Variants in PLEKHM3 observed in about 807,000 individuals in gnomAD.
The protein encoded by PLEKHM3 is pleckstrin homology domain-containing family M member 3.
In PLEKHM3, 45 loss-of-function variants were observed where a neutral mutation model predicts 81.8. The ratio of observed to expected loss-of-function variants is 0.55; its 90% CI spans 0.43 to 0.71. PLEKHM3 has a LOEUF of 0.71. Ranked by LOEUF, PLEKHM3 falls within the 30% of genes least tolerant of loss-of-function variation. PLEKHM3 has a pLI of 0.00. For synonymous variants in PLEKHM3, 352 were observed against 356.4 expected (o/e 0.99, Z 0.14); for missense variants, 788 against 924.3 (o/e 0.85, Z 1.91).
chr2:207,870,216 C>T lies in PLEKHM3; in HGVS notation c.1951-8954G>A, dbSNP rs368611804. 5.3e-5 allele frequency among the ~76,000 whole-genome samples: 8 copies of T among 152,036 alleles called. No homozygotes were observed. The East Asian group carries it at 1.2e-3, about 22-fold the overall frequency. The stretch of plus-strand genomic sequence containing the variant: ...CACAAAATTCAAAATTTATGGGGGG[C>T]GGAGAAGACAGAGAACTAGTAACCT... On this transcript the variant is annotated intron_variant, in intron 6 of 7. Transcript: ENST00000427836.
intron 7 of PLEKHM3, among the ~76,000 whole-genome samples, chr2:207,842,577 A>G (rs1251281271): frequency 6.6e-6 from 1 of 150,924 alleles, no homozygotes; most frequent in Non-Finnish European, 1.5e-5. Context: ...GATATATATT[A>G]ACATTGAAGG....
chr2:207,974,336 T>G (rs1691228826), intron 3 of PLEKHM3, among the ~76,000 whole-genome samples: 1 of 152,226 alleles, frequency 6.6e-6, no homozygotes. Flanking sequence ...ACATTTCTCC[T>G]TCCTCTTGAG....
intron 3 of PLEKHM3, among the ~76,000 whole-genome samples, chr2:207,948,038 T>A (rs1473647475): frequency 6.6e-6 from 1 of 152,166 alleles, no homozygotes; most frequent in Non-Finnish European, 1.5e-5. Flanking sequence ...CAGAGCTTGA[T>A]CCAGTTCCTT....
intron 7 of PLEKHM3, among the ~76,000 whole-genome samples, chr2:207,841,379 C>T (rs573648240): frequency 4.3e-5 from 6 of 138,744 alleles, no homozygotes; most frequent in South Asian, 2.4e-4. Context: ...GCGCGATAAT[C>T]GCTTCAACCT....
At chr2:208,004,417 CAA>C (rs11289003) in intron 1 of PLEKHM3, among the ~76,000 whole-genome samples, 259 of 142,888 alleles carry the variant, frequency 1.8e-3, no homozygotes, top group Non-Finnish European at 1.8e-3. Context: ...TGCCCTGTCT[CAA>C]AAAAAAAAAA....
chr2:207,951,861 G>T (rs114742368), intron 3 of PLEKHM3, among the ~76,000 whole-genome samples: 1 of 152,066 alleles, frequency 6.6e-6, no homozygotes, highest in East Asian at 1.9e-4. Context: ...TCTACTTTAC[G>T]ACTATTACCT....
Position 207,882,265 on chromosome 2 carries a change from C to G in PLEKHM3, c.1951-21003G>C, listed in dbSNP as rs149794009. Among the ~76,000 whole-genome samples the G allele has an allele frequency of 1.6e-4, 24 of 152,208 alleles. 1 individual carries two copies. The East Asian group carries it at 4.4e-3, about 28-fold the overall frequency. ...AGAAACCTGGCTCTTAGACCATGGT[C>G]AGAGTTGTTCTTTCTTGTTTTCTCT... On this transcript the variant is annotated intron_variant, in intron 6 of 7. Transcript: ENST00000427836.
At chr2:208,004,056 T>C (rs11692908) in intron 1 of PLEKHM3, among the ~76,000 whole-genome samples, 78,361 of 151,986 alleles carry the variant, frequency 0.52, 21,475 homozygotes, top group Non-Finnish European at 0.61. Flanking sequence ...CTCTTTTTTT[T>C]TTGATTTATC....
chr2:207,869,374 C>T (rs1484408591), intron 6 of PLEKHM3, among the ~76,000 whole-genome samples: 2 of 152,164 alleles, frequency 1.3e-5, no homozygotes, highest in Non-Finnish European at 2.9e-5. Flanking sequence ...CTTCCCTGCA[C>T]TCAACCTCCT....
In PLEKHM3 at chr2:207,891,272, C is replaced by T. The variant is rs1407710530; in HGVS notation, c.1950+17242G>A. ...CTCATTACAGTTGTAAATCAAGTGA[C>T]TCTTGTTAAGGGATTTTGAATTGCA... On this transcript the variant is annotated intron_variant, in intron 6 of 7. Transcript: ENST00000427836. Among the ~76,000 whole-genome samples the T allele has an allele frequency of 5.9e-5, 9 of 152,190 alleles. No individual in the cohort carries two copies. In the South Asian group the frequency reaches 1.4e-3, roughly 24 times the overall value.
intron 6 of PLEKHM3, among the ~76,000 whole-genome samples, chr2:207,893,305 A>G (rs1256026981): frequency 6.6e-6 from 1 of 152,206 alleles, no homozygotes; most frequent in Non-Finnish European, 1.5e-5. Context: ...AAGCCAAGGA[A>G]CACCCTTCCT....
intron 7 of PLEKHM3, among the ~76,000 whole-genome samples, chr2:207,831,333 G>A (rs564187365): frequency 3.3e-5 from 5 of 152,328 alleles, no homozygotes; most frequent in Admixed American, 6.5e-5. Flanking sequence ...GGAACCCAGG[G>A]CTCCTGGCAG....
intron 7 of PLEKHM3, among the ~76,000 whole-genome samples, chr2:207,857,659 A>G (rs1352198028): frequency 6.6e-6 from 1 of 152,104 alleles, no homozygotes; most frequent in African/African-American, 2.4e-5. Context: ...AACATTGTTT[A>G]TAATACTCTT....
chr2:207,870,990 C>G (rs187479100), intron 6 of PLEKHM3, among the ~76,000 whole-genome samples: 1 of 152,036 alleles, frequency 6.6e-6, no homozygotes, highest in Non-Finnish European at 1.5e-5. Flanking sequence ...CACCTGTAGT[C>G]CAAGCTACTT....
chr2:207,923,250 G>A (rs1046243943), intron 5 of PLEKHM3, among the ~76,000 whole-genome samples: 1 of 152,138 alleles, frequency 6.6e-6, no homozygotes, highest in African/African-American at 2.4e-5. Flanking sequence ...TAGAGGGACT[G>A]AGGAGGGGTG....
At chr2:207,873,530 C>T (rs920164189) in intron 6 of PLEKHM3, among the ~76,000 whole-genome samples, 14 of 152,158 alleles carry the variant, frequency 9.2e-5, no homozygotes, top group African/African-American at 1.7e-4. Flanking sequence ...GGAATATCTG[C>T]GGAGCTAGAT....
At chr2:208,002,448 T>C (rs1692342564) in intron 1 of PLEKHM3, among the ~76,000 whole-genome samples, 1 of 152,284 alleles carries the variant, frequency 6.6e-6, no homozygotes. Context: ...CAAATGTGAC[T>C]GTGCTTGTGC....
intron 2 of PLEKHM3, among the ~76,000 whole-genome samples, chr2:207,994,677 T>C (rs1291389828): frequency 1.3e-5 from 2 of 152,196 alleles, no homozygotes; most frequent in African/African-American, 4.8e-5. Context: ...GTGTCCACCA[T>C]CTACCTTGAG....
intron 7 of PLEKHM3, among the ~76,000 whole-genome samples, chr2:207,857,844 T>C (rs538450518): frequency 1.7e-4 from 26 of 151,726 alleles, no homozygotes; most frequent in African/African-American, 5.8e-4. Context: ...CTAATCTTTA[T>C]TCTTTCCTTC....
Sources: gnomAD v4.1 joint callset for allele counts (sites outside exome capture counted in the v4.1 genomes callset) on GRCh38, gnomAD v4.1.1 for gene constraint, MANE v1.5 for transcripts, NCBI Gene and HGNC (gene_info 2026-07-23, HGNC 2026-07-21) for gene names.